Variants in FHOD3 observed in about 807,000 individuals in gnomAD.
FHOD3 encodes formin homology 2 domain containing 3.
A neutral mutation model predicts 173.0 loss-of-function variants in FHOD3; 90 were observed. The observed-to-expected ratio is 0.52, with a 90% CI of 0.44 to 0.62. FHOD3 has a LOEUF of 0.62. FHOD3 is among the 20% of genes least tolerant of loss of function. The pLI is 0.00. For missense variants in FHOD3, 1,945 were observed against 2,034.7 expected (o/e 0.96, Z 0.85); for synonymous variants, 828 against 823.0 (o/e 1.01, Z -0.10).
At chr18:36,396,689 G>A (rs1338524731) in intron 3 of FHOD3, among the ~76,000 whole-genome samples, 2 of 152,094 alleles carry the variant, frequency 1.3e-5, no homozygotes, top group East Asian at 1.9e-4. Flanking sequence ...TACAATTTAG[G>A]TGTGATTTTA....
At chr18:36,534,710 A>T (rs1280648077) in intron 5 of FHOD3, among the ~76,000 whole-genome samples, 1 of 152,160 alleles carries the variant, frequency 6.6e-6, no homozygotes, top group Non-Finnish European at 1.5e-5. Context: ...TACATTCAAA[A>T]GATGTAGAGG....
At chr18:36,414,637 GC>G (rs2049530411) in intron 3 of FHOD3, among the ~76,000 whole-genome samples, 1 of 152,174 alleles carries the variant, frequency 6.6e-6, no homozygotes, top group Non-Finnish European at 1.5e-5. Flanking sequence ...TGATCCCGTG[GC>G]CCCTGGTGGC....
chr18:36,323,787 C>T lies in FHOD3; in HGVS notation c.165+25787C>T, dbSNP rs111978085. Among the ~76,000 whole-genome samples, 497 of 152,364 alleles carry T rather than the reference C, an allele frequency of 3.3e-3. 2 individuals carry two copies. Among genetic ancestry groups the T allele is most frequent in the South Asian group, 0.012 (60 of 4,828 alleles). ...CATCCTCGACTACTTCAGTTTGATG[C>T]CCATAGGGGCACAGAGCCCCCATCA... On this transcript the variant is annotated intron_variant, in intron 1 of 28. Transcript: ENST00000590592.
At chr18:36,300,601 C>G (rs1407451122) in intron 1 of FHOD3, among the ~76,000 whole-genome samples, 1 of 152,148 alleles carries the variant, frequency 6.6e-6, no homozygotes, top group Admixed American at 6.6e-5. Flanking sequence ...CTGGTATTGA[C>G]AAGAAGTGGA....
intron 5 of FHOD3, among the ~76,000 whole-genome samples, chr18:36,565,662 A>G (rs2058236906): frequency 6.6e-6 from 1 of 152,218 alleles, no homozygotes; most frequent in Non-Finnish European, 1.5e-5. Flanking sequence ...TGGTAGAAAT[A>G]AATAGGAATT....
intron 6 of FHOD3, among the ~76,000 whole-genome samples, chr18:36,590,677 A>G (rs1294006959): frequency 1.3e-5 from 2 of 152,208 alleles, no homozygotes; most frequent in Non-Finnish European, 2.9e-5. Flanking sequence ...GCATCAGAAG[A>G]TGTTTGGGGA....
intron 5 of FHOD3, among the ~76,000 whole-genome samples, chr18:36,568,215 G>A (rs188819539): frequency 3.4e-5 from 5 of 148,570 alleles, no homozygotes; most frequent in African/African-American, 1.2e-4. Context: ...GTGCACATCT[G>A]TAATTCCAGC....
intron 5 of FHOD3, among the ~76,000 whole-genome samples, chr18:36,551,403 C>T (rs561032965): frequency 6.6e-6 from 1 of 151,358 alleles, no homozygotes; most frequent in East Asian, 1.9e-4. Context: ...AATATTTGCC[C>T]CTCTTCAATT....
chr18:36,423,357 G>A (rs1205690288), intron 3 of FHOD3, among the ~76,000 whole-genome samples: 1 of 152,168 alleles, frequency 6.6e-6, no homozygotes, highest in Non-Finnish European at 1.5e-5. Context: ...GGTCTGAACT[G>A]AATTTGGGTG....
At chr18:36,317,914 G>A (rs1373090308) in intron 1 of FHOD3, among the ~76,000 whole-genome samples, 1 of 152,166 alleles carries the variant, frequency 6.6e-6, no homozygotes, top group African/African-American at 2.4e-5. Flanking sequence ...TAAGGTATAA[G>A]GAAGGGATCC....
In FHOD3 at chr18:36,541,975, C is replaced by T. The variant is rs1253644367; in HGVS notation, c.511+29432C>T. On this transcript the variant is annotated intron_variant, in intron 5 of 28. Transcript: ENST00000590592. ...GCCCCAGGGAGAGGTAGATTTGTGCCAGCATCTAAGGCTCCCAGGAAATAT... is the reference window on the plus strand; with the variant it reads ...GCCCCAGGGAGAGGTAGATTTGTGCTAGCATCTAAGGCTCCCAGGAAATAT... Among the ~76,000 whole-genome samples, 6 of 152,128 alleles carry T rather than the reference C, an allele frequency of 3.9e-5. No homozygotes were observed. In the South Asian group the frequency reaches 8.3e-4, roughly 21 times the overall value.
At chr18:36,573,374 G>T (rs961599228) in intron 5 of FHOD3, among the ~76,000 whole-genome samples, 1 of 151,698 alleles carries the variant, frequency 6.6e-6, no homozygotes, top group Non-Finnish European at 1.5e-5. Flanking sequence ...GGATTCCAAG[G>T]CTGGTGGATC....
chr18:36,735,248 C>A (rs1413537350), intron 20 of FHOD3, among the ~76,000 whole-genome samples: 2 of 152,160 alleles, frequency 1.3e-5, no homozygotes, highest in Non-Finnish European at 2.9e-5. Flanking sequence ...ATGACAGCAT[C>A]TTTGAAAGCA....
intron 5 of FHOD3, among the ~76,000 whole-genome samples, chr18:36,548,553 A>G (rs1320087222): frequency 6.6e-6 from 1 of 152,206 alleles, no homozygotes; most frequent in Non-Finnish European, 1.5e-5. Flanking sequence ...TACTCCAGAA[A>G]GTCTGCTTCA....
At chr18:36,482,858 CAGAGAGAGAG>C (rs138052316) in intron 3 of FHOD3, among the ~76,000 whole-genome samples, 4,971 of 130,312 alleles carry the variant, frequency 0.038, 127 homozygotes, top group African/African-American at 0.058. Flanking sequence ...CACACACACA[CAGAGAGAGAG>C]AGAGAGAGAG....
chr18:36,386,230 C>T (rs1279258138), intron 3 of FHOD3, among the ~76,000 whole-genome samples: 1 of 152,064 alleles, frequency 6.6e-6, no homozygotes, highest in African/African-American at 2.4e-5. Flanking sequence ...CTTGTTTGGC[C>T]TGGGGTACCT....
intron 14 of FHOD3, among the ~76,000 whole-genome samples, chr18:36,664,815 A>AGAGAGAGAGAG (rs58202043): frequency 7.5e-6 from 1 of 133,680 alleles, no homozygotes; most frequent in Non-Finnish European, 1.6e-5. Context: ...AGAGAGAGAG[A>AGAGAGAGAGAG]TTGAGATTGA....
intron 3 of FHOD3, among the ~76,000 whole-genome samples, chr18:36,398,469 T>C (rs1310600033): frequency 6.6e-6 from 1 of 152,226 alleles, no homozygotes. Context: ...TGTAATTCTA[T>C]AACCACTGTT....
At chr18:36,345,196 C>T (rs2045822854) in intron 1 of FHOD3, among the ~76,000 whole-genome samples, 2 of 140,446 alleles carry the variant, frequency 1.4e-5, no homozygotes, top group Admixed American at 1.5e-4. Context: ...GAATTCCAAT[C>T]ATACAGAGTA....
Sources: allele counts gnomAD v4.1 joint callset (sites outside exome capture counted in the v4.1 genomes callset), GRCh38; gene constraint gnomAD v4.1.1; transcripts MANE v1.5; gene names NCBI Gene and HGNC (gene_info 2026-07-23, HGNC 2026-07-21).